PLIN1: variants seen among roughly 807,000 people sequenced by gnomAD.
The protein encoded by PLIN1 is perilipin 1.
PLIN1 carries 37 observed loss-of-function variants against 45.8 expected under a neutral mutation model. That is an observed-to-expected ratio of 0.81 (90% CI 0.62 to 1.06). The LOEUF (loss-of-function observed/expected upper bound fraction) is 1.06, where lower values mean the gene tolerates loss of function less well. Among genes scored for constraint, PLIN1 ranks in the 50% least tolerant of loss-of-function variants. The pLI is 0.00. For missense variants in PLIN1, 776 were observed against 716.5 expected, an observed-to-expected ratio of 1.08 and a Z score of -0.95; for synonymous variants, 340 against 309.2, an observed-to-expected ratio of 1.10 and a Z score of -1.05.
Position 89,665,776 on chromosome 15 carries a change from G to GAGA in PLIN1, c.1375_1376insTCT (p.Ala459delinsValSer). 1 of 1,269,066 alleles carries GAGA rather than the reference G, an allele frequency of 7.9e-7. No individual in the cohort carries two copies. Among genetic ancestry groups the GAGA allele is most frequent in the Non-Finnish European group, 9.9e-7 (1 of 1,012,576 alleles). 78.6% of individuals were successfully genotyped at this position (1,269,066 alleles called of 1,614,324 possible). A position where few individuals can be genotyped will look rare whatever the true frequency, so the allele number is the denominator to read the frequency against. ...GCCGGGGGGCGCGCCGGGGCTCTGC[G>GAGA]CGCTGCGCAGGCTGCGGCGGGGCTG... On this transcript the variant is annotated protein_altering_variant, in exon 9 of 9. Transcript: ENST00000300055.
At position 89,667,192 on chromosome 15, in the gene PLIN1, A is replaced by G. The variant is rs2141526543; in HGVS notation, c.964-11T>C. ...TGGCAGGGCTGCTACCTGGGGGCCA[A>G]AGCAGGGTCAGTGCCTCCTGTGGTA... On this transcript the variant is annotated splice_polypyrimidine_tract_variant and intron_variant, in intron 7 of 8. Transcript: ENST00000300055. 6.2e-7 allele frequency: 1 copy of G among 1,612,604 alleles called. No individual in the cohort carries two copies. The highest frequency in any genetic ancestry group is 8.5e-7 in the Non-Finnish European group (1 of 1,179,968).
chr15:89,667,183 TG>T lies in PLIN1; in HGVS notation c.964-3del. ...TCGAGGGCCTGGCAGGGCTGCTACCTGGGGGCCAAAGCAGGGTCAGTGCCTC... is the reference window on the plus strand; with the variant it reads ...TCGAGGGCCTGGCAGGGCTGCTACCTGGGGCCAAAGCAGGGTCAGTGCCTC... On this transcript the variant is annotated splice_polypyrimidine_tract_variant and splice_region_variant and intron_variant, in intron 7 of 8. Coordinates refer to ENST00000300055, the MANE Select transcript of PLIN1 (RefSeq NM_002666.5). 2 of 1,612,942 alleles carry T rather than the reference TG, an allele frequency of 1.2e-6. No individual in the cohort carries two copies. Among genetic ancestry groups the T allele is most frequent in the Non-Finnish European group, 8.5e-7 (1 of 1,179,974 alleles).
At chr15:89,666,082 G>A in intron 8 of PLIN1, 140 bp from the exon 9 acceptor site, 1 of 538,690 alleles carries the variant, frequency 1.9e-6, no homozygotes, top group Non-Finnish European at 2.9e-6. Flanking sequence ...CGGTTCAGTA[G>A]TTTGGGGGGC....
At chr15:89,672,175 A>G (rs1964450654) in intron 3 of PLIN1, among the ~76,000 whole-genome samples, 1 of 152,160 alleles carries the variant, frequency 6.6e-6, no homozygotes, top group African/African-American at 2.4e-5. Context: ...TGAGATGGTC[A>G]ACTGTCCGAA....
chr15:89,673,424 A>G lies in PLIN1; in HGVS notation c.46-10T>C. On this transcript the variant is annotated splice_polypyrimidine_tract_variant and intron_variant, in intron 2 of 8. Coordinates refer to ENST00000300055, the MANE Select transcript of PLIN1 (RefSeq NM_002666.5). ...GCACATTCTCCTGCTCCTGGTGCGGAAGGAACACATTCAAGTTGTCCCACC... is the reference window on the plus strand; with the variant it reads ...GCACATTCTCCTGCTCCTGGTGCGGGAGGAACACATTCAAGTTGTCCCACC... 2 of 1,588,636 alleles carry G rather than the reference A, an allele frequency of 1.3e-6. No homozygotes were observed. Among genetic ancestry groups the G allele is most frequent in the Non-Finnish European group, 1.7e-6 (2 of 1,166,580 alleles).
intron 1 of PLIN1, among the ~76,000 whole-genome samples, 179 bp downstream of exon 1, chr15:89,679,072 T>C (rs1282183857): frequency 6.6e-6 from 1 of 152,054 alleles, no homozygotes; most frequent in African/African-American, 2.4e-5. Flanking sequence ...GTTCTTGAAC[T>C]CCTGGGCTCA....
At chr15:89,677,555 C>G in intron 1 of PLIN1, 52 bp from the exon 2 acceptor site, 1 of 1,478,072 alleles carries the variant, frequency 6.8e-7, no homozygotes, top group Non-Finnish European at 9.5e-7. Context: ...TTGAGCTCCA[C>G]TGGGTCACTT....
At position 89,677,743 on chromosome 15, in the gene PLIN1, T is replaced by G. The variant is rs1379963829; in HGVS notation, c.-14-240A>C. The G allele has an allele frequency of 7.3e-6, 4 of 549,752 alleles. No homozygotes were observed. The African/African-American group carries it at 7.6e-5, about 10-fold the overall frequency. 34.1% of individuals were successfully genotyped at this position (549,752 alleles called of 1,614,324 possible). On this transcript the variant is annotated intron_variant, in intron 1 of 8. Transcript: ENST00000300055. Reference sequence around the variant, plus strand: ...AGACTGATGTTTCTTTCTTTTTCTTTTCTTTCTTTCTTTTTTTTTTTTTTT... The same window carrying G: ...AGACTGATGTTTCTTTCTTTTTCTTGTCTTTCTTTCTTTTTTTTTTTTTTT...
Position 89,665,050 on chromosome 15 carries a change from T to C in PLIN1, c.*533A>G. ...ACCCAAGAGCTTTTGCATCTGATTG[T>C]TCCCTTCAAAGTAGCCTGCTGGGAG... On this transcript the variant is annotated 3_prime_UTR_variant, in exon 9 of 9. Coordinates refer to ENST00000300055, the MANE Select transcript of PLIN1 (RefSeq NM_002666.5). The C allele has an allele frequency of 2.4e-6, 1 of 410,518 alleles. No homozygotes were observed. Among genetic ancestry groups the C allele is most frequent in the South Asian group, 1.8e-5 (1 of 55,566 alleles). 25.4% of individuals were successfully genotyped at this position (410,518 alleles called of 1,614,324 possible).
rs1964314929 is a variant in PLIN1, at chr15:89,665,410, AAAAAAT to A, written c.*167_*172del. The A allele has an allele frequency of 2.1e-6, 1 of 483,974 alleles. No homozygotes were observed. Among genetic ancestry groups the A allele is most frequent in the African/African-American group, 2.0e-5 (1 of 49,852 alleles). The allele number at this position is 483,974 out of a possible 1,614,324, so 30.0% of individuals were successfully genotyped here. ...GTGAAGCCCCAAAAGGATGCTAAAA[AAAAAAT>A]AAAAATAAAATAAAAATAAAAAGTG... is the stretch of plus-strand genomic sequence containing the variant. On this transcript the variant is annotated 3_prime_UTR_variant, in exon 9 of 9. Coordinates refer to ENST00000300055, the MANE Select transcript of PLIN1 (RefSeq NM_002666.5).
At position 89,669,579 on chromosome 15, in the gene PLIN1, C is replaced by T. The variant is rs114583540; in HGVS notation, c.692G>A (p.Arg231Gln). Residue 231 changes from arginine to glutamine, a missense_variant, in exon 6 of 9, where the codon CGA (arginine) becomes CAA (glutamine). Arg to Gln is a conservative substitution (Grantham distance 43). Transcript: ENST00000300055. ...CCGGGCCATGGTCTGCACGGTGTAT[C>T]GAGAGAGGGTGTTGGTCAGAGCCCC... The part of the protein sequence containing the change: ...RVGALTNTLS[R>Q]YTVQTMARAL... 12 of 1,613,954 alleles carry T rather than the reference C, an allele frequency of 7.4e-6. No individual in the cohort carries two copies. Among genetic ancestry groups the T allele is most frequent in the South Asian group, 3.3e-5 (3 of 91,084 alleles).
At position 89,669,504 on chromosome 15, in the gene PLIN1, G is replaced by T. The variant is rs1266331730; in HGVS notation, c.767C>A (p.Pro256His). 6 of 1,611,402 alleles carry T rather than the reference G, an allele frequency of 3.7e-6. No individual in the cohort carries two copies. In the Admixed American group the frequency reaches 6.7e-5, roughly 18 times the overall value. Reference protein sequence around the residue: ...TVAMWIPGVVPLSSLAQWGAS... With the variant: ...TVAMWIPGVVHLSSLAQWGAS... The stretch of plus-strand genomic sequence containing the variant: ...GAGCTCACGGCAGATACTTACCAGG[G>T]GCACCACGCCTGGGATCCACATGGC... The change falls in exon 6 of 9, where the codon CCC (proline) becomes CAC (histidine). Residue 256 changes from proline (P) to histidine (H), a missense_variant. Coordinates refer to ENST00000300055, the MANE Select transcript of PLIN1 (RefSeq NM_002666.5).
chr15:89,670,631 C>T (rs1169592073), intron 4 of PLIN1, among the ~76,000 whole-genome samples: 2 of 152,220 alleles, frequency 1.3e-5, no homozygotes, highest in East Asian at 3.8e-4. Context: ...GATCTTCCTA[C>T]AAGTTCTGCA....
Position 89,669,567 on chromosome 15 carries a change from T to C in PLIN1, c.704A>G (p.Gln235Arg), listed in dbSNP as rs758922729. Reference sequence around the variant, plus strand: ...CTGCTCCAGGGCCCGGGCCATGGTCTGCACGGTGTATCGAGAGAGGGTGTT... The same window carrying C: ...CTGCTCCAGGGCCCGGGCCATGGTCCGCACGGTGTATCGAGAGAGGGTGTT... ...LTNTLSRYTVQTMARALEQGH... is the reference protein window; with the variant it reads ...LTNTLSRYTVRTMARALEQGH... The change falls in exon 6 of 9, where the codon CAG becomes CGG. Residue 235 changes from glutamine to arginine, a missense_variant. Transcript: ENST00000300055. 2 of 1,613,958 alleles carry C rather than the reference T, an allele frequency of 1.2e-6. No individual in the cohort carries two copies. Among genetic ancestry groups the C allele is most frequent in the Non-Finnish European group, 1.7e-6 (2 of 1,179,938 alleles).
In PLIN1 at chr15:89,665,760, C is replaced by G. The variant is rs536062857; in HGVS notation, c.1392G>C (p.Ala464=). The G allele has an allele frequency of 7.9e-7, 1 of 1,273,274 alleles. No homozygotes were observed. Among genetic ancestry groups the G allele is most frequent in the East Asian group, 3.2e-5 (1 of 30,840 alleles). 78.9% of individuals were successfully genotyped at this position (1,273,274 alleles called of 1,614,324 possible). Residue 464 remains alanine, a synonymous_variant, in exon 9 of 9, where the codon GCG becomes GCC. Transcript: ENST00000300055. ...CGTCCTCCAGGCCCGGGCCGGGGGG[C>G]GCGCCGGGGCTCTGCGCGCTGCGCA... ...RSLRSAQSPG[A]PPGPGLEDEV...
At position 89,673,318 on chromosome 15, in the gene PLIN1, G is replaced by A. The variant is rs1282587851; in HGVS notation, c.142C>T (p.His48Tyr). The A allele has an allele frequency of 1.9e-6, 3 of 1,593,396 alleles. No individual in the cohort carries two copies. Among genetic ancestry groups the A allele is most frequent in the South Asian group, 2.3e-5 (2 of 87,696 alleles). Residue 48 changes from histidine to tyrosine, a missense_variant, in exon 3 of 9, where the codon CAC (histidine) becomes TAC (tyrosine). By Grantham distance (83) the His-to-Tyr change is moderately conservative. Transcript: ENST00000300055. Reference protein sequence around the residue: ...QKTYTSTKEAHPLVASVCNAY... With the variant: ...QKTYTSTKEAYPLVASVCNAY... Reference sequence around the variant, plus strand: ...TTGCACACAGAGGCCACCAGGGGGTGGGCTTCCTTAGTGCTGGTGTAGGTC... The same window carrying A: ...TTGCACACAGAGGCCACCAGGGGGTAGGCTTCCTTAGTGCTGGTGTAGGTC...
At chr15:89,667,885 G>A (rs1011828803) in intron 6 of PLIN1, 92 bp from the exon 7 acceptor site, 172 of 1,523,028 alleles carry the variant, frequency 1.1e-4, no homozygotes, top group Admixed American at 4.0e-4. Context: ...CCCAGGGTCC[G>A]GGCCAGGTGG....
chr15:89,667,494 A>G (rs1964367467), intron 7 of PLIN1, 108 bp downstream of exon 7: 1 of 1,532,148 alleles, frequency 6.5e-7, no homozygotes, highest in Non-Finnish European at 9.0e-7. Flanking sequence ...TTGCACGCAC[A>G]TGCCGTGCCC....
Position 89,664,652 on chromosome 15 carries a change from T to C in PLIN1, c.*931A>G, listed in dbSNP as rs75454108. 3,801 of 351,182 alleles carry C rather than the reference T, an allele frequency of 0.011. 157 individuals are homozygous for C. The highest frequency in any genetic ancestry group is 0.075 in the African/African-American group (3,508 of 46,672). The allele number at this position is 351,182 out of a possible 1,614,324, so 21.8% of individuals were successfully genotyped here. On this transcript the variant is annotated 3_prime_UTR_variant, in exon 9 of 9. Transcript: ENST00000300055. ...GCATACACACGTGCCTGCAGGTGCA[T>C]AGCCCTGCATACACAAGAGATGGCA...
Sources: allele counts gnomAD v4.1 joint callset (sites outside exome capture counted in the v4.1 genomes callset), GRCh38; gene constraint gnomAD v4.1.1; transcripts MANE v1.5; gene names NCBI Gene and HGNC (gene_info 2026-07-23, HGNC 2026-07-21).